USH2A: variants seen among roughly 807,000 people sequenced by gnomAD.
USH2A encodes the protein usherin.
A neutral mutation model predicts 538.9 loss-of-function variants in USH2A; 443 were observed. The observed-to-expected ratio is 0.82, with a 90% CI of 0.76 to 0.89. The LOEUF is 0.89. USH2A is among the 40% of genes least tolerant of loss of function. The pLI is 0.00. For missense variants in USH2A, 6,633 were observed against 6,324.8 expected (o/e 1.05, Z -1.65); for synonymous variants, 2,413 against 2,273.5 (o/e 1.06, Z -1.75).
At chr1:215,727,724 C>CA (rs35895995) in intron 61 of USH2A, among the ~76,000 whole-genome samples, 201 of 147,408 alleles carry the variant, frequency 1.4e-3, no homozygotes, top group African/African-American at 4.4e-3. Context: ...GAGCCTGTCT[C>CA]AAAAAAAAAA....
intron 4 of USH2A, among the ~76,000 whole-genome samples, chr1:216,356,227 T>C (rs2038389752): frequency 6.6e-6 from 1 of 152,100 alleles, no homozygotes; most frequent in Non-Finnish European, 1.5e-5. Context: ...CCTGAATCCA[T>C]GTGACAAGTA....
intron 61 of USH2A, among the ~76,000 whole-genome samples, chr1:215,694,895 C>T (rs945797197): frequency 3.9e-5 from 6 of 152,172 alleles, no homozygotes; most frequent in African/African-American, 9.7e-5. Context: ...ATTCAGCACT[C>T]ATATAGCAAA....
At chr1:216,365,119 G>A (rs1381447966) in intron 3 of USH2A, 34 bp from the exon 4 acceptor site, 2 of 1,590,770 alleles carry the variant, frequency 1.3e-6, no homozygotes, top group East Asian at 2.2e-5. Context: ...TAGTTTAAGT[G>A]CATAAACTTT....
chr1:216,242,110 G>A (rs2035949727), intron 13 of USH2A, among the ~76,000 whole-genome samples: 2 of 151,718 alleles, frequency 1.3e-5, no homozygotes, highest in African/African-American at 2.4e-5. Context: ...TCCTCACTTT[G>A]GGAGGCCTAG....
In USH2A at chr1:216,325,167, T is replaced by C. The variant is rs893458328; in HGVS notation, c.1143+138A>G. The C allele has an allele frequency of 6.3e-5, 64 of 1,020,558 alleles. 1 individual carries two copies. The African/African-American group carries it at 9.4e-4, about 15-fold the overall frequency. 63.2% of individuals were successfully genotyped at this position (1,020,558 alleles called of 1,614,324 possible). ...TGGAATCTTTAAGGGAATGTAGCCCTGCCAACATGTTGATTTCATATTTCT... is the reference window on the plus strand; with the variant it reads ...TGGAATCTTTAAGGGAATGTAGCCCCGCCAACATGTTGATTTCATATTTCT... On this transcript the variant is annotated intron_variant, in intron 6 of 71. Coordinates refer to ENST00000307340, the MANE Select transcript of USH2A (RefSeq NM_206933.4).
chr1:215,937,867 A>C (rs1666546441), intron 37 of USH2A, among the ~76,000 whole-genome samples: 1 of 152,166 alleles, frequency 6.6e-6, no homozygotes, highest in East Asian at 1.9e-4. Flanking sequence ...ATATTGGTGA[A>C]GTTTTTTCCA....
At chr1:216,396,946 G>C (rs1571778258) in intron 3 of USH2A, among the ~76,000 whole-genome samples, 1 of 152,322 alleles carries the variant, frequency 6.6e-6, no homozygotes, top group African/African-American at 2.4e-5. Context: ...TGAAGTATTT[G>C]TGGTTAGGCA....
At chr1:215,894,796 G>A (rs974336554) in intron 40 of USH2A, among the ~76,000 whole-genome samples, 2 of 152,242 alleles carry the variant, frequency 1.3e-5, no homozygotes, top group Admixed American at 6.5e-5. Context: ...AGGCTGGAAC[G>A]ACCGACAGGA....
intron 31 of USH2A, among the ~76,000 whole-genome samples, chr1:216,046,965 T>G (rs1354798325): frequency 6.6e-6 from 1 of 152,198 alleles, no homozygotes; most frequent in Non-Finnish European, 1.5e-5. Context: ...CTGGTGAATG[T>G]GGTTCATAAT....
chr1:216,241,439 A>C (rs183957059), intron 13 of USH2A, among the ~76,000 whole-genome samples: 1 of 152,288 alleles, frequency 6.6e-6, no homozygotes, highest in East Asian at 1.9e-4. Context: ...ATACTGGATA[A>C]TAATACTAAA....
Position 215,759,745 on chromosome 1 carries a change from G to A in USH2A, c.11146C>T (p.Gln3716Ter), listed in dbSNP as rs771260365. ...EKPNGLVSQY[Q>*]LSRNGNLLFL... ...AGCAAGTTTCCATTACGACTCAATT[G>A]ATATTGAGAAACGAGGCCATTGGGC... is the stretch of plus-strand genomic sequence containing the variant. Residue 3716 changes from glutamine to a stop codon, truncating the protein, a stop_gained, in exon 57 of 72, where the codon CAA (glutamine) becomes TAA (stop). Transcript: ENST00000307340. LOFTEE classifies it high-confidence loss of function. 1 of 1,613,898 alleles carries A rather than the reference G, an allele frequency of 6.2e-7. No homozygotes were observed. Among genetic ancestry groups the A allele is most frequent in the Non-Finnish European group, 8.5e-7 (1 of 1,179,944 alleles).
At chr1:216,237,904 T>C (rs1456044120) in intron 13 of USH2A, among the ~76,000 whole-genome samples, 5 of 152,146 alleles carry the variant, frequency 3.3e-5, no homozygotes, top group Admixed American at 2.0e-4. Context: ...AAGGAAGAGG[T>C]TCTTACTTTT....
chr1:216,052,489 A>G (rs1208568171), intron 30 of USH2A, among the ~76,000 whole-genome samples: 2 of 152,086 alleles, frequency 1.3e-5, no homozygotes, highest in Non-Finnish European at 2.9e-5. Flanking sequence ...TGCATTTTCT[A>G]AGGCTGGAGT....
intron 32 of USH2A, among the ~76,000 whole-genome samples, chr1:216,031,953 A>G (rs1275923289): frequency 2.0e-5 from 3 of 152,184 alleles, no homozygotes; most frequent in Non-Finnish European, 2.9e-5. Context: ...GTGACACTTT[A>G]TCTTCCACAC....
intron 41 of USH2A, among the ~76,000 whole-genome samples, chr1:215,884,812 C>A (rs181132134): frequency 3.9e-4 from 59 of 152,254 alleles, no homozygotes; most frequent in African/African-American, 1.3e-3. Flanking sequence ...AAGGAAGCTA[C>A]ACATGTTTGT....
At chr1:216,112,743 G>C (rs1228741577) in intron 21 of USH2A, among the ~76,000 whole-genome samples, 1 of 151,930 alleles carries the variant, frequency 6.6e-6, no homozygotes, top group Non-Finnish European at 1.5e-5. Context: ...GTTTGCTAAC[G>C]GTAATGGCCT....
In USH2A at chr1:216,199,933, A is replaced by G; in HGVS notation, c.3505T>C (p.Trp1169Arg). 1 of 1,614,148 alleles carries G rather than the reference A, an allele frequency of 6.2e-7. No homozygotes were observed. ...CCAGATTGATTTGAGAGTGTTGTCC[A>G]GGTAAGTGTCACAGAGTCTGAGCCA... is the stretch of plus-strand genomic sequence containing the variant. ...PIGSDSVTLT[W>R]TTLSNQSGPI... Residue 1169 changes from tryptophan (W) to arginine (R), a missense_variant, in exon 17 of 72, where the codon TGG (tryptophan) becomes CGG (arginine). Coordinates refer to ENST00000307340, the MANE Select transcript of USH2A (RefSeq NM_206933.4).
rs567749181 is a variant in USH2A at position 216,119,949 on chromosome 1, C to T, written c.4628-22736G>A. Among the ~76,000 whole-genome samples, 14 of 152,152 alleles carry T rather than the reference C, an allele frequency of 9.2e-5. No individual in the cohort carries two copies. In the South Asian group the frequency reaches 2.9e-3, roughly 32 times the overall value. ...ATGGGTTTGCTTTTCCTCCTCAACA[C>T]CTAGCCAAGAGTCAGGTACTTCGTG... On this transcript the variant is annotated intron_variant, in intron 21 of 71. Transcript: ENST00000307340.
chr1:215,891,595 C>A (rs1396675400), intron 40 of USH2A, among the ~76,000 whole-genome samples: 1 of 152,140 alleles, frequency 6.6e-6, no homozygotes, highest in African/African-American at 2.4e-5. Flanking sequence ...ATGCTCACAG[C>A]AGTAGCTATC....
Sources: gnomAD v4.1 joint callset for allele counts (sites outside exome capture counted in the v4.1 genomes callset) on GRCh38, gnomAD v4.1.1 for gene constraint, MANE v1.5 for transcripts, NCBI Gene and HGNC (gene_info 2026-07-23, HGNC 2026-07-21) for gene names.